Variants in PTPRO observed in about 807,000 individuals in gnomAD.
PTPRO encodes the protein receptor-type tyrosine-protein phosphatase O.
PTPRO carries 62 observed loss-of-function variants against 145.2 expected under a neutral mutation model. The observed-to-expected ratio is 0.43, with a 90% CI of 0.35 to 0.53. PTPRO has a LOEUF of 0.53. Ranked by LOEUF, PTPRO falls within the 20% of genes least tolerant of loss-of-function variation. The pLI, the probability that PTPRO is intolerant of heterozygous loss-of-function variation, is 0.01. For synonymous variants in PTPRO, 565 were observed against 514.7 expected (o/e 1.10, Z -1.32); for missense variants, 1,345 against 1,482.7 (o/e 0.91, Z 1.53).
chr12:15,436,147 A>T (rs1940589295), intron 1 of PTPRO, among the ~76,000 whole-genome samples: 1 of 152,242 alleles, frequency 6.6e-6, no homozygotes, highest in African/African-American at 2.4e-5. Flanking sequence ...GGAAATTTAT[A>T]GCACTACATG....
intron 2 of PTPRO, among the ~76,000 whole-genome samples, chr12:15,496,380 G>A (rs1392188070): frequency 6.6e-6 from 1 of 151,920 alleles, no homozygotes; most frequent in African/African-American, 2.4e-5. Context: ...GACCTCAGGT[G>A]ATCCACCCGC....
At chr12:15,551,522 T>C (rs1231649963) in intron 14 of PTPRO, 29 bp from the exon 15 acceptor site, 6 of 1,611,128 alleles carry the variant, frequency 3.7e-6, no homozygotes, top group Non-Finnish European at 5.1e-6. Context: ...AGAGAACCTA[T>C]GATGAAAATG....
intron 4 of PTPRO, 86 bp from the exon 5 acceptor site, chr12:15,501,534 C>T: frequency 3.3e-6 from 4 of 1,225,578 alleles, no homozygotes; most frequent in Non-Finnish European, 4.7e-6. Flanking sequence ...TAAAAATCTG[C>T]TTGTGTACCT....
chr12:15,577,393 G>A (rs962749640), intron 19 of PTPRO, among the ~76,000 whole-genome samples: 1 of 152,132 alleles, frequency 6.6e-6, no homozygotes, highest in African/African-American at 2.4e-5. Context: ...CCAATAACTT[G>A]ATTAATAAAG....
intron 1 of PTPRO, among the ~76,000 whole-genome samples, chr12:15,357,441 G>A (rs1169154265): frequency 1.3e-5 from 2 of 152,182 alleles, no homozygotes; most frequent in African/African-American, 4.8e-5. Context: ...ATCAGCAGAT[G>A]TTCATTGTGG....
chr12:15,536,667 G>A (rs1283055466), intron 12 of PTPRO, among the ~76,000 whole-genome samples: 2 of 152,138 alleles, frequency 1.3e-5, no homozygotes, highest in Non-Finnish European at 2.9e-5. Context: ...GATTGTTCAG[G>A]GCAAGGATAA....
At chr12:15,489,230 G>A (rs895145322) in intron 2 of PTPRO, among the ~76,000 whole-genome samples, 4 of 152,074 alleles carry the variant, frequency 2.6e-5, no homozygotes, top group African/African-American at 7.2e-5. Context: ...TAACCAGAAA[G>A]GGGTCACAAT....
intron 1 of PTPRO, among the ~76,000 whole-genome samples, chr12:15,374,097 G>A (rs1411853240): frequency 6.6e-6 from 1 of 152,142 alleles, no homozygotes; most frequent in Non-Finnish European, 1.5e-5. Context: ...CTTTGAAAAT[G>A]TTTAAACATA....
At chr12:15,482,219 G>C (rs559166019) in intron 1 of PTPRO, among the ~76,000 whole-genome samples, 2 of 151,506 alleles carry the variant, frequency 1.3e-5, no homozygotes, top group Non-Finnish European at 2.9e-5. Flanking sequence ...AAAATAAAAA[G>C]GTAATTCTGT....
intron 7 of PTPRO, among the ~76,000 whole-genome samples, chr12:15,510,950 T>C (rs1942426000): frequency 7.2e-6 from 1 of 138,710 alleles, no homozygotes; most frequent in Non-Finnish European, 1.5e-5. Flanking sequence ...GCAGATCACT[T>C]GAGCTCAGAA....
chr12:15,367,179 T>C (rs1377725530), intron 1 of PTPRO, among the ~76,000 whole-genome samples: 2 of 152,222 alleles, frequency 1.3e-5, no homozygotes, highest in African/African-American at 4.8e-5. Flanking sequence ...CAATCTTTAG[T>C]CTCATCCTTC....
At chr12:15,357,241 T>C (rs943231894) in intron 1 of PTPRO, among the ~76,000 whole-genome samples, 2 of 152,252 alleles carry the variant, frequency 1.3e-5, no homozygotes, top group Admixed American at 6.5e-5. Flanking sequence ...TTCTGACTGC[T>C]ACTGTCATTT....
Position 15,322,842 on chromosome 12 carries a change from CG to C in PTPRO, c.75+43del. 2 of 1,585,734 alleles carry C rather than the reference CG, an allele frequency of 1.3e-6. No homozygotes were observed. Among genetic ancestry groups the C allele is most frequent in the Non-Finnish European group, 1.7e-6 (2 of 1,164,644 alleles). The stretch of plus-strand genomic sequence containing the variant: ...CACCCCTTTTTCCCAGCGGTCCGGG[CG>C]GCAGCCGCGCTCCGGCGCCCTCGCT... On this transcript the variant is annotated intron_variant, in intron 1 of 26. Transcript: ENST00000281171. This position sits in a 1 kb window ranked among gnomAD's most constrained non-coding sequence, Gnocchi z 6.3.
At chr12:15,327,265 C>T (rs1866471373) in intron 1 of PTPRO, among the ~76,000 whole-genome samples, 1 of 152,050 alleles carries the variant, frequency 6.6e-6, no homozygotes, top group African/African-American at 2.4e-5. Context: ...TTCTCAGTTG[C>T]TCATTTATTC....
chr12:15,487,750 A>T (rs1941919844), intron 2 of PTPRO, among the ~76,000 whole-genome samples: 1 of 152,168 alleles, frequency 6.6e-6, no homozygotes, highest in Non-Finnish European at 1.5e-5. Context: ...GAACTTTGGG[A>T]TGATGGAAAT....
chr12:15,404,742 C>A (rs1313160686), intron 1 of PTPRO, among the ~76,000 whole-genome samples: 1 of 152,208 alleles, frequency 6.6e-6, no homozygotes, highest in East Asian at 1.9e-4. Flanking sequence ...ATATTCTTTT[C>A]ACTCTATGTG....
intron 1 of PTPRO, among the ~76,000 whole-genome samples, chr12:15,471,900 G>C (rs916491808): frequency 6.6e-6 from 1 of 152,272 alleles, no homozygotes; most frequent in South Asian, 2.1e-4. Context: ...GGAACCTGGC[G>C]AGTGTAGCCC....
At chr12:15,323,446 TATA>T (rs1221824780) in intron 1 of PTPRO, among the ~76,000 whole-genome samples, 2 of 152,196 alleles carry the variant, frequency 1.3e-5, no homozygotes, top group Non-Finnish European at 2.9e-5. Flanking sequence ...TGGAAAAATA[TATA>T]ATAATAAACT....
intron 1 of PTPRO, among the ~76,000 whole-genome samples, chr12:15,360,790 G>GTA (rs984225025): frequency 7.1e-6 from 1 of 140,798 alleles, no homozygotes; most frequent in Admixed American, 7.2e-5. Flanking sequence ...ATATATGTGT[G>GTA]TATATGTGTG....
Sources: gnomAD v4.1 joint callset for allele counts (sites outside exome capture counted in the v4.1 genomes callset) on GRCh38, gnomAD v4.1.1 for gene constraint, Gnocchi (gnomAD v3.1) non-coding constraint, MANE v1.5 for transcripts, NCBI Gene and HGNC (gene_info 2026-07-23, HGNC 2026-07-21) for gene names.